The following LRRC69 variants were observed in gnomAD, a reference collection of about 807,000 sequenced individuals.
LRRC69 encodes the protein leucine rich repeat containing 69, also known as leucine-rich repeat-containing protein 69.
LRRC69 carries 42 observed loss-of-function variants against 37.8 expected under a neutral mutation model. The ratio of observed to expected loss-of-function variants is 1.11; its 90% CI spans 0.87 to 1.44. The LOEUF (loss-of-function observed/expected upper bound fraction) is 1.44. LRRC69 is among the 40% of genes most tolerant of loss of function. The pLI is 0.00. For missense variants in LRRC69, 357 were observed against 401.9 expected (o/e 0.89, Z 0.96); for synonymous variants, 141 against 143.1 (o/e 0.99, Z 0.11).
At chr8:91,205,969 G>T (rs891739169) in intron 7 of LRRC69, among the ~76,000 whole-genome samples, 4 of 152,184 alleles carry the variant, frequency 2.6e-5, no homozygotes, top group African/African-American at 7.2e-5. Flanking sequence ...AGAAAGCTTT[G>T]AAGTCTTCAT....
At chr8:91,162,551 A>T (rs1353704229) in intron 5 of LRRC69, among the ~76,000 whole-genome samples, 1 of 151,120 alleles carries the variant, frequency 6.6e-6, no homozygotes, top group Non-Finnish European at 1.5e-5. Context: ...AGTCTGTTTC[A>T]TCTAATGTAA....
intron 5 of LRRC69, among the ~76,000 whole-genome samples, chr8:91,167,264 G>A (rs528992949): frequency 1.2e-3 from 187 of 151,878 alleles, no homozygotes; most frequent in Middle Eastern, 3.4e-3. Context: ...CAATCATGGC[G>A]GAAGGAAGTA....
intron 7 of LRRC69, among the ~76,000 whole-genome samples, chr8:91,207,695 A>G (rs550498444): frequency 1.1e-4 from 16 of 152,368 alleles, no homozygotes; most frequent in Admixed American, 1.0e-3. Flanking sequence ...CAGAGTTAAT[A>G]TTGTGCAAAT....
At chr8:91,213,834 A>G (rs997811622) in intron 7 of LRRC69, among the ~76,000 whole-genome samples, 2 of 152,134 alleles carry the variant, frequency 1.3e-5, no homozygotes, top group African/African-American at 4.8e-5. Context: ...AATCATGTTC[A>G]TAGGGCAGTG....
At chr8:91,183,639 T>C (rs186486607) in intron 5 of LRRC69, among the ~76,000 whole-genome samples, 5 of 151,054 alleles carry the variant, frequency 3.3e-5, no homozygotes, top group South Asian at 4.2e-4. Context: ...GAAGATAAAG[T>C]GCAAAGAGAA....
At chr8:91,160,499 T>G (rs1808920493) in intron 5 of LRRC69, among the ~76,000 whole-genome samples, 1 of 151,138 alleles carries the variant, frequency 6.6e-6, no homozygotes, top group African/African-American at 2.4e-5. Flanking sequence ...GGGAGGGACC[T>G]GGTGGGAGGT....
chr8:91,195,350 T>C (rs1809577820), intron 6 of LRRC69, among the ~76,000 whole-genome samples: 1 of 151,452 alleles, frequency 6.6e-6, no homozygotes, highest in Non-Finnish European at 1.5e-5. Flanking sequence ...TCTGTAGATG[T>C]CTATTAGGTC....
intron 5 of LRRC69, among the ~76,000 whole-genome samples, chr8:91,167,399 G>A (rs941700140): frequency 6.6e-6 from 1 of 151,354 alleles, no homozygotes; most frequent in Admixed American, 6.6e-5. Flanking sequence ...GGAAAGACCC[G>A]CCCCTATGAT....
rs535494447 is a variant in LRRC69, at chr8:91,194,311, T to G, written c.753+4688T>G. On this transcript the variant is annotated intron_variant, in intron 6 of 7. Coordinates refer to ENST00000448384, the Ensembl canonical transcript of LRRC69. ...AAGGATATTGGTCTAAAATTCTCTT[T>G]TTTGGTTGTGTCTCTGCCAGGCTTT... is the stretch of plus-strand genomic sequence containing the variant. Among the ~76,000 whole-genome samples, 93 of 150,730 alleles carry G rather than the reference T, an allele frequency of 6.2e-4. 1 individual carries two copies. Among genetic ancestry groups the G allele is most frequent in the African/African-American group, 2.1e-3 (87 of 40,552 alleles).
intron 2 of LRRC69, 175 bp downstream of exon 2, chr8:91,124,794 A>T (rs1813691036): frequency 2.0e-6 from 1 of 506,436 alleles, no homozygotes; most frequent in Admixed American, 4.1e-5. Flanking sequence ...GTATTGTATC[A>T]TATGTTTATT....
intron 2 of LRRC69, among the ~76,000 whole-genome samples, chr8:91,126,191 G>C (rs1225799056): frequency 6.6e-6 from 1 of 151,910 alleles, no homozygotes; most frequent in African/African-American, 2.4e-5. Flanking sequence ...CTATTTCCCT[G>C]ACCAGAGCAG....
chr8:91,156,298 G>T (rs887465728), intron 5 of LRRC69, among the ~76,000 whole-genome samples: 1 of 151,022 alleles, frequency 6.6e-6, no homozygotes, highest in African/African-American at 2.4e-5. Context: ...CTGTGGTTTA[G>T]ATTTGCATTT....
intron 7 of LRRC69, chr8:91,206,719 C>T: frequency 1.6e-6 from 2 of 1,289,728 alleles, no homozygotes; most frequent in South Asian, 1.2e-5. Flanking sequence ...CAAGCAACAA[C>T]AGCCAGAATT....
At chr8:91,204,498 A>G (rs930532298) in intron 7 of LRRC69, among the ~76,000 whole-genome samples, 5 of 152,202 alleles carry the variant, frequency 3.3e-5, no homozygotes, top group Non-Finnish European at 7.3e-5. Context: ...CTTCAGGCAC[A>G]CTGTAGAGTT....
At chr8:91,117,810 A>G (rs1467719479) in intron 1 of LRRC69, among the ~76,000 whole-genome samples, 1 of 151,760 alleles carries the variant, frequency 6.6e-6, no homozygotes, top group Non-Finnish European at 1.5e-5. Flanking sequence ...GGTCCCACTA[A>G]CATATGTGCT....
rs750630777 is a variant in LRRC69 at position 91,175,911 on chromosome 8, G to A, written c.652-13611G>A. On this transcript the variant is annotated intron_variant, in intron 5 of 7. Coordinates refer to ENST00000448384, the Ensembl canonical transcript of LRRC69. ...AGATGATCACTATTCACATTTTGGCGTATTTCCTTCTTCTCCAGTGTAACA... is the reference window on the plus strand; with the variant it reads ...AGATGATCACTATTCACATTTTGGCATATTTCCTTCTTCTCCAGTGTAACA... 2.4e-4 allele frequency among the ~76,000 whole-genome samples: 37 copies of A among 151,260 alleles called. 1 individual carries two copies. Among genetic ancestry groups the A allele is most frequent in the Non-Finnish European group, 4.1e-4 (28 of 67,846 alleles).
chr8:91,215,732 T>C (rs764520775), intron 7 of LRRC69, among the ~76,000 whole-genome samples: 55 of 152,336 alleles, frequency 3.6e-4, no homozygotes, highest in Admixed American at 1.3e-3. Context: ...TTGAGTGCTT[T>C]GATCTCTATC....
intron 2 of LRRC69, among the ~76,000 whole-genome samples, chr8:91,126,661 G>C (rs1813720384): frequency 2.0e-5 from 3 of 151,946 alleles, no homozygotes; most frequent in Non-Finnish European, 1.5e-5. Context: ...GTTGTGATAT[G>C]GTTATGAGTA....
At position 91,136,535 on chromosome 8, in the gene LRRC69, C is replaced by A. The variant is rs559877067; in HGVS notation, c.651+796C>A. ...ACAACATAAAATTTACCATTTTAAT[C>A]ATTTCTACTTGTATAGTCCACGGTA... is the stretch of plus-strand genomic sequence containing the variant. On this transcript the variant is annotated intron_variant, in intron 5 of 7. Coordinates refer to ENST00000448384, the Ensembl canonical transcript of LRRC69. 3.3e-5 allele frequency among the ~76,000 whole-genome samples: 5 copies of A among 151,988 alleles called. 1 individual carries two copies. The South Asian group carries it at 6.2e-4, about 19-fold the overall frequency.
Sources: allele counts gnomAD v4.1 joint callset (sites outside exome capture counted in the v4.1 genomes callset), GRCh38; gene constraint gnomAD v4.1.1; transcripts MANE v1.5; gene names NCBI Gene and HGNC (gene_info 2026-07-23, HGNC 2026-07-21).